CDH19: variants seen among roughly 807,000 people sequenced by gnomAD.
CDH19 encodes cadherin-19.
A neutral mutation model predicts 64.2 loss-of-function variants in CDH19; 67 were observed. That is an observed-to-expected ratio of 1.04 (90% CI 0.86 to 1.28). The LOEUF (loss-of-function observed/expected upper bound fraction) is 1.28. Ranked by LOEUF, CDH19 falls within the 50% of genes most tolerant of loss-of-function variation. The pLI is 0.00. For missense variants in CDH19, 1,030 were observed against 929.0 expected (o/e 1.11, Z -1.41); for synonymous variants, 346 against 319.3 (o/e 1.08, Z -0.89).
chr18:66,517,965 CT>C lies in CDH19; in HGVS notation c.1459-6281del, dbSNP rs563579303. Among the ~76,000 whole-genome samples the C allele has an allele frequency of 1.2e-4, 18 of 151,734 alleles. No individual in the cohort carries two copies. The South Asian group carries it at 3.5e-3, about 30-fold the overall frequency. On this transcript the variant is annotated intron_variant, in intron 9 of 11. Transcript: ENST00000262150. Reference sequence around the variant, plus strand: ...ATACTCATATTTTCAAATAATTTTTCTTTTTTTCAGTGACTTTATTTTATAT... The same window carrying C: ...ATACTCATATTTTCAAATAATTTTTCTTTTTTCAGTGACTTTATTTTATAT...
intron 11 of CDH19, 30 bp downstream of exon 11, chr18:66,508,965 A>T: frequency 6.3e-7 from 1 of 1,592,722 alleles, no homozygotes. Context: ...CATAATGCAA[A>T]TGAGAATAGC....
Position 66,511,647 on chromosome 18 carries a change from G to C in CDH19, c.1497C>G (p.Ser499=), listed in dbSNP as rs1191904232. 9 of 1,578,766 alleles carry C rather than the reference G, an allele frequency of 5.7e-6. No homozygotes were observed. Among genetic ancestry groups the C allele is most frequent in the Non-Finnish European group, 7.0e-6 (8 of 1,149,492 alleles). ...TAAAGTAAAAATGGTGCTCTTCTAT[G>C]GATTCATCTCTATCCACTGCACTGA... ...QTISAVDRDE[S]IEEHHFYFNL... is the part of the protein sequence containing the mutation. Residue 499 remains serine, a synonymous_variant, in exon 10 of 12, where the codon TCC becomes TCG. Coordinates refer to ENST00000262150, the MANE Select transcript of CDH19 (RefSeq NM_021153.4).
intron 4 of CDH19, among the ~76,000 whole-genome samples, chr18:66,554,174 C>T (rs144392909): frequency 1.3e-3 from 198 of 152,018 alleles, no homozygotes; most frequent in African/African-American, 4.6e-3. Flanking sequence ...AGAATCTTTA[C>T]ATATGATTTA....
intron 11 of CDH19, among the ~76,000 whole-genome samples, chr18:66,508,302 A>G (rs1985299062): frequency 6.6e-6 from 1 of 151,976 alleles, no homozygotes; most frequent in African/African-American, 2.4e-5. Flanking sequence ...GACATTAGGA[A>G]TAAATTCAAG....
chr18:66,509,103 C>A lies in CDH19; in HGVS notation c.1720G>T (p.Gly574Cys). ...CAGGTCTGTGTGCTCCCACTGTCAC[C>A]ACAGTCACAGACATGGATGGTAAGG... ...NTLTIHVCDC[G>C]DSGSTQTCQY... Residue 574 changes from glycine to cysteine, a missense_variant, in exon 11 of 12, where the codon GGT (glycine) becomes TGT (cysteine). Gly to Cys is a radical substitution (Grantham distance 159). Transcript: ENST00000262150. 1 of 1,612,944 alleles carries A rather than the reference C, an allele frequency of 6.2e-7. No homozygotes were observed. Among genetic ancestry groups the A allele is most frequent in the African/African-American group, 1.3e-5 (1 of 74,906 alleles).
In CDH19 at chr18:66,544,717, A is replaced by G. The variant is rs759323353; in HGVS notation, c.960+2T>C. On this transcript the variant is annotated splice_donor_variant, in intron 6 of 11. Coordinates refer to ENST00000262150, the MANE Select transcript of CDH19 (RefSeq NM_021153.4). LOFTEE classifies it high-confidence loss of function. Reference sequence around the variant, plus strand: ...CAAGGCAAATAATTTTAACATGTCTACCTTTTTTAATATAACTATTCCTTC... The same window carrying G: ...CAAGGCAAATAATTTTAACATGTCTGCCTTTTTTAATATAACTATTCCTTC... 31 of 1,586,220 alleles carry G rather than the reference A, an allele frequency of 2.0e-5. No individual in the cohort carries two copies. The highest frequency in any genetic ancestry group is 2.7e-5 in the African/African-American group (2 of 74,156).
intron 10 of CDH19, among the ~76,000 whole-genome samples, chr18:66,510,882 T>G (rs1417647236): frequency 1.3e-5 from 2 of 151,638 alleles, no homozygotes; most frequent in African/African-American, 4.8e-5. Flanking sequence ...TTACAGATAC[T>G]TGAGTAATAA....
chr18:66,595,619 C>G (rs947598029), intron 1 of CDH19, among the ~76,000 whole-genome samples: 2 of 149,606 alleles, frequency 1.3e-5, no homozygotes, highest in African/African-American at 4.9e-5. Context: ...AAGACTGAAT[C>G]AGGAAGAAAC....
chr18:66,590,770 A>C (rs1988721524), intron 1 of CDH19, among the ~76,000 whole-genome samples: 1 of 151,990 alleles, frequency 6.6e-6, no homozygotes, highest in Non-Finnish European at 1.5e-5. Context: ...AATATAAATG[A>C]AATTTCTCAT....
chr18:66,587,280 G>A (rs1183474073), intron 1 of CDH19, among the ~76,000 whole-genome samples: 1 of 152,114 alleles, frequency 6.6e-6, no homozygotes, highest in African/African-American at 2.4e-5. Flanking sequence ...CAGAGGTTAA[G>A]ATACCTTCAA....
chr18:66,560,704 G>T (rs557375889), intron 3 of CDH19, among the ~76,000 whole-genome samples: 1 of 151,976 alleles, frequency 6.6e-6, no homozygotes, highest in Non-Finnish European at 1.5e-5. Context: ...AGCCTGGATT[G>T]GTTGTTCTTA....
At chr18:66,585,354 C>T (rs1194539250) in intron 1 of CDH19, among the ~76,000 whole-genome samples, 1 of 152,014 alleles carries the variant, frequency 6.6e-6, no homozygotes, top group East Asian at 1.9e-4. Context: ...ATGGAATGTT[C>T]TAAAGACAGT....
chr18:66,522,446 C>T (rs140874579), intron 9 of CDH19, among the ~76,000 whole-genome samples: 5,035 of 151,902 alleles, frequency 0.033, 194 homozygotes, highest in East Asian at 0.14. Context: ...GACGGGGGTG[C>T]GCCATGTTGG....
intron 7 of CDH19, among the ~76,000 whole-genome samples, chr18:66,542,113 T>C (rs1016574229): frequency 1.3e-5 from 2 of 152,158 alleles, no homozygotes; most frequent in African/African-American, 4.8e-5. Flanking sequence ...ACATTCCATA[T>C]TATTTAGTGT....
At chr18:66,554,006 T>A (rs1218545544) in intron 4 of CDH19, among the ~76,000 whole-genome samples, 1 of 88,812 alleles carries the variant, frequency 1.1e-5, no homozygotes. Flanking sequence ...CTGTATTTCA[T>A]TGTGGTTTTA....
chr18:66,530,429 C>T (rs1428119246), intron 8 of CDH19, among the ~76,000 whole-genome samples: 1 of 151,584 alleles, frequency 6.6e-6, no homozygotes, highest in African/African-American at 2.4e-5. Flanking sequence ...AGCTGCAGTG[C>T]TATAACAAAA....
intron 9 of CDH19, among the ~76,000 whole-genome samples, chr18:66,525,939 T>C (rs905430375): frequency 6.6e-6 from 1 of 152,142 alleles, no homozygotes; most frequent in Non-Finnish European, 1.5e-5. Context: ...GGCTGACCAA[T>C]GTCCCTTATT....
At position 66,509,476 on chromosome 18, in the gene CDH19, A is replaced by G. The variant is rs1023945110; in HGVS notation, c.1577-230T>C. Among the ~76,000 whole-genome samples, 3 of 151,990 alleles carry G rather than the reference A, an allele frequency of 2.0e-5. No homozygotes were observed. In the South Asian group the frequency reaches 6.2e-4, roughly 31 times the overall value. On this transcript the variant is annotated intron_variant, in intron 10 of 11. Coordinates refer to ENST00000262150, the MANE Select transcript of CDH19 (RefSeq NM_021153.4). ...ATCAGATGAATTATTTAAATTATGT[A>G]GTAAAATTACTATTTAATATTATTA...
At chr18:66,567,483 C>A (rs1023851178) in intron 3 of CDH19, among the ~76,000 whole-genome samples, 1 of 151,702 alleles carries the variant, frequency 6.6e-6, no homozygotes, top group African/African-American at 2.4e-5. Flanking sequence ...ATTACACAGG[C>A]AAATTTGTTT....
Sources: gnomAD v4.1 joint callset for allele counts (sites outside exome capture counted in the v4.1 genomes callset) on GRCh38, gnomAD v4.1.1 for gene constraint, MANE v1.5 for transcripts, NCBI Gene and HGNC (gene_info 2026-07-23, HGNC 2026-07-21) for gene names.